TGFBRAP1: variants seen among roughly 807,000 people sequenced by gnomAD.
The protein encoded by TGFBRAP1 is transforming growth factor beta receptor associated protein 1.
TGFBRAP1 carries 20 observed loss-of-function variants against 83.2 expected under a neutral mutation model. The ratio of observed to expected loss-of-function variants is 0.24; its 90% CI spans 0.17 to 0.35. The LOEUF (loss-of-function observed/expected upper bound fraction) is 0.35. Ranked by LOEUF, TGFBRAP1 falls within the 10% of genes least tolerant of loss-of-function variation. The probability of loss-of-function intolerance (pLI) is 1.00; values close to 1 mark genes in which losing one functional copy is unlikely to be tolerated. For missense variants in TGFBRAP1, 950 were observed against 1,099.4 expected (o/e 0.86, Z 1.92); for synonymous variants, 415 against 459.8 (o/e 0.90, Z 1.25).
At chr2:105,288,906 T>G (rs1677806440) in intron 4 of TGFBRAP1, among the ~76,000 whole-genome samples, 1 of 152,140 alleles carries the variant, frequency 6.6e-6, no homozygotes, top group African/African-American at 2.4e-5. Flanking sequence ...ATATATACCC[T>G]CTTGGGGAAT....
chr2:105,261,160 G>A (rs1049727150), downstream of TGFBRAP1, among the ~76,000 whole-genome samples: 96 of 152,282 alleles, frequency 6.3e-4, no homozygotes, highest in Admixed American at 2.2e-3. Context: ...CTGCAGAGGC[G>A]GGAGTGAGGG....
intron 1 of TGFBRAP1, among the ~76,000 whole-genome samples, chr2:105,312,157 A>G (rs900839234): frequency 6.6e-6 from 1 of 152,060 alleles, no homozygotes; most frequent in African/African-American, 2.4e-5. Context: ...TCTCAAAATG[A>G]TCGAAAATTT....
At chr2:105,259,411 C>A (rs552480192), downstream of TGFBRAP1, among the ~76,000 whole-genome samples, 2 of 152,318 alleles carry the variant, frequency 1.3e-5, no homozygotes, top group Middle Eastern at 6.8e-3. Flanking sequence ...TGTCCCCTTA[C>A]TGTCCTGTGA....
intron 6 of TGFBRAP1, among the ~76,000 whole-genome samples, chr2:105,278,275 A>T (rs906606987): frequency 4.6e-5 from 7 of 152,356 alleles, no homozygotes; most frequent in African/African-American, 1.7e-4. Flanking sequence ...GAGTTGCTTT[A>T]CAATTTGCTT....
At chr2:105,296,866 A>C (rs1383042906) in intron 3 of TGFBRAP1, among the ~76,000 whole-genome samples, 1 of 148,854 alleles carries the variant, frequency 6.7e-6, no homozygotes, top group Non-Finnish European at 1.5e-5. Context: ...TCAATCAGGG[A>C]ACATTATCAA....
intron 2 of TGFBRAP1, among the ~76,000 whole-genome samples, chr2:105,302,175 A>AAACAC (rs1294361533): frequency 1.2e-4 from 18 of 152,220 alleles, no homozygotes; most frequent in Non-Finnish European, 2.5e-4. Flanking sequence ...AGACTGGCAA[A>AAACAC]AACACACAAG....
intron 4 of TGFBRAP1, among the ~76,000 whole-genome samples, chr2:105,295,839 C>T (rs894686841): frequency 1.3e-5 from 2 of 149,858 alleles, no homozygotes; most frequent in African/African-American, 2.4e-5. Context: ...AAAAGTTCTC[C>T]TAAGGAAATC....
At chr2:105,262,022 C>T (rs77079613), downstream of TGFBRAP1, among the ~76,000 whole-genome samples, 368 of 152,210 alleles carry the variant, frequency 2.4e-3, 2 homozygotes, top group African/African-American at 8.5e-3. Flanking sequence ...CACCTGAGAC[C>T]CTGGTCCTAG....
chr2:105,249,903 A>C, the TGFBRAP1 span: 1 of 152,376 alleles, frequency 6.6e-6, no homozygotes, highest in African/African-American at 2.4e-5. Context: ...CAGCATCTGG[A>C]TTCTGTAAGA....
intron 4 of TGFBRAP1, among the ~76,000 whole-genome samples, chr2:105,289,481 T>G (rs779173384): frequency 1.3e-5 from 2 of 151,994 alleles, no homozygotes; most frequent in Non-Finnish European, 2.9e-5. Flanking sequence ...ATCAGTGCTA[T>G]TAATTTCTTG....
At chr2:105,304,335 T>C (rs1678413415) in intron 2 of TGFBRAP1, among the ~76,000 whole-genome samples, 1 of 152,234 alleles carries the variant, frequency 6.6e-6, no homozygotes, top group Non-Finnish European at 1.5e-5. Flanking sequence ...ATTCTCTTTA[T>C]TATATAAGTT....
intron 4 of TGFBRAP1, among the ~76,000 whole-genome samples, chr2:105,288,121 G>T (rs1677777554): frequency 6.6e-6 from 1 of 152,206 alleles, no homozygotes; most frequent in East Asian, 1.9e-4. Flanking sequence ...GGTCAAATGT[G>T]AGCTCAGACT....
At chr2:105,294,785 G>T (rs1678026609) in intron 4 of TGFBRAP1, among the ~76,000 whole-genome samples, 1 of 152,184 alleles carries the variant, frequency 6.6e-6, no homozygotes, top group South Asian at 2.1e-4. Flanking sequence ...GGGAAGAAAA[G>T]AGCAAAAATC....
chr2:105,285,684 G>GA (rs1317538466), intron 4 of TGFBRAP1, among the ~76,000 whole-genome samples: 1 of 151,588 alleles, frequency 6.6e-6, no homozygotes, highest in African/African-American at 2.4e-5. Context: ...CAGGGTGGAA[G>GA]AAAAAAAAGC....
chr2:105,267,391 G>T lies in TGFBRAP1; in HGVS notation c.2575C>A (p.Arg859=). ...TNPSSSSPGT[R]T ...CCCTTGGGCCAAGCTTTTCAAGTCC[G>T]AGTGCCAGGACTGGATGAGCTGGGG... The change falls in exon 12 of 12, where the codon CGG becomes AGG. Residue 859 remains arginine (R), a synonymous_variant. Transcript: ENST00000393359. 1 of 1,614,082 alleles carries T rather than the reference G, an allele frequency of 6.2e-7. No homozygotes were observed. Among genetic ancestry groups the T allele is most frequent in the Non-Finnish European group, 8.5e-7 (1 of 1,180,002 alleles).
chr2:105,322,771 A>G (rs149950820), intron 1 of TGFBRAP1, among the ~76,000 whole-genome samples: 1 of 152,336 alleles, frequency 6.6e-6, no homozygotes, highest in Non-Finnish European at 1.5e-5. Context: ...TCATATGATG[A>G]CAAAATTGCC....
chr2:105,270,697 C>T (rs1395101970), intron 10 of TGFBRAP1, among the ~76,000 whole-genome samples: 1 of 152,196 alleles, frequency 6.6e-6, no homozygotes, highest in Non-Finnish European at 1.5e-5. Context: ...CAAGGTACAT[C>T]CCTTATAGCA....
intron 1 of TGFBRAP1, among the ~76,000 whole-genome samples, chr2:105,308,582 A>G (rs773313086): frequency 1.2e-4 from 18 of 152,238 alleles, no homozygotes; most frequent in Non-Finnish European, 2.1e-4. Context: ...CATCCTGCTC[A>G]GTCCCCACAC....
intron 10 of TGFBRAP1, among the ~76,000 whole-genome samples, chr2:105,272,401 C>T (rs1409135968): frequency 1.3e-5 from 2 of 152,316 alleles, no homozygotes; most frequent in Non-Finnish European, 2.9e-5. Context: ...GGAACTATGA[C>T]TCAGTGCTTT....
Sources: allele counts gnomAD v4.1 joint callset (sites outside exome capture counted in the v4.1 genomes callset), GRCh38; gene constraint gnomAD v4.1.1; transcripts MANE v1.5; gene names NCBI Gene and HGNC (gene_info 2026-07-23, HGNC 2026-07-21).